PLPPR4: variants seen among roughly 807,000 people sequenced by gnomAD.
The protein encoded by PLPPR4 is phospholipid phosphatase related 4, also known as phospholipid phosphatase-related protein type 4.
In PLPPR4, 24 loss-of-function variants were observed where a neutral mutation model predicts 56.6. The observed-to-expected ratio is 0.42, with a 90% confidence interval of 0.31 to 0.60. PLPPR4 has a LOEUF of 0.60. Ranked by LOEUF, PLPPR4 falls within the 20% of genes least tolerant of loss-of-function variation. The probability of loss-of-function intolerance (pLI) is 0.13; values close to 1 mark genes in which losing one functional copy is unlikely to be tolerated. For missense variants in PLPPR4, 654 were observed against 885.8 expected (o/e 0.74, Z 3.32); for synonymous variants, 326 against 328.1 (o/e 0.99, Z 0.07).
intron 2 of PLPPR4, among the ~76,000 whole-genome samples, chr1:99,288,891 A>G (rs1659542649): frequency 6.6e-6 from 1 of 152,184 alleles, no homozygotes. Context: ...AAAGATGTAC[A>G]TCTATCATGT....
In PLPPR4 at chr1:99,308,486, G is replaced by T. The variant is rs1660104138; in HGVS notation, c.*1476G>T. ...AACTTAAAGTATGAAGACATACTCA[G>T]TTCTTGGAACTTAGTATTAAACCTT... On this transcript the variant is annotated 3_prime_UTR_variant, in exon 7 of 7. Transcript: ENST00000370185. 6.6e-6 allele frequency: 1 copy of T among 152,588 alleles called. No individual in the cohort carries two copies. The highest frequency in any genetic ancestry group is 2.1e-4 in the South Asian group (1 of 4,834). 9.5% of individuals were successfully genotyped at this position (152,588 alleles called of 1,614,324 possible).
Position 99,300,975 on chromosome 1 carries a change from C to T in PLPPR4, c.648+9C>T, listed in dbSNP as rs1443661407. ...CAGCTGTGTATGTTTCGGTAAGTAA[C>T]TGGTTCTTTTTTGTTAAGTTGTGTT... On this transcript the variant is annotated intron_variant, in intron 5 of 6. Coordinates refer to ENST00000370185, the MANE Select transcript of PLPPR4 (RefSeq NM_014839.5). The T allele has an allele frequency of 6.2e-7, 1 of 1,610,764 alleles. No homozygotes were observed. The highest frequency in any genetic ancestry group is 1.1e-5 in the South Asian group (1 of 90,950).
chr1:99,302,316 T>C (rs1202623196), intron 6 of PLPPR4, among the ~76,000 whole-genome samples: 1 of 152,054 alleles, frequency 6.6e-6, no homozygotes, highest in African/African-American at 2.4e-5. Flanking sequence ...AATACTGACT[T>C]CTTTAACACT....
At chr1:99,295,857 AG>A (rs1659727361) in intron 2 of PLPPR4, among the ~76,000 whole-genome samples, 1 of 152,218 alleles carries the variant, frequency 6.6e-6, no homozygotes, top group South Asian at 2.1e-4. Flanking sequence ...GTCTAGTGAG[AG>A]ACAGCCAAAT....
At chr1:99,264,326 T>G (rs1430440647), upstream of PLPPR4, 7 of 785,396 alleles carry the variant, frequency 8.9e-6, no homozygotes, top group African/African-American at 1.1e-4. Context: ...AGGAGGGAGC[T>G]GGACGTCGTC....
In PLPPR4 at chr1:99,272,311, T is replaced by C. The variant is rs533192309; in HGVS notation, c.78+7640T>C. ...AGTTAACCTTTGGACACATCAAGTA[T>C]GCCAGCGTTACCTAAGGACACACTG... On this transcript the variant is annotated intron_variant, in intron 1 of 6. Transcript: ENST00000370185. 4.6e-5 allele frequency among the ~76,000 whole-genome samples: 7 copies of C among 152,228 alleles called. No homozygotes were observed. In the East Asian group the frequency reaches 1.2e-3, roughly 25 times the overall value.
intron 1 of PLPPR4, among the ~76,000 whole-genome samples, chr1:99,286,621 T>C (rs1195869946): frequency 6.6e-6 from 1 of 151,956 alleles, no homozygotes; most frequent in Non-Finnish European, 1.5e-5. Flanking sequence ...TTAAATGATG[T>C]AAAGAAGCAG....
intron 4 of PLPPR4, 80 bp downstream of exon 4, chr1:99,299,310 C>T: frequency 1.1e-6 from 1 of 946,756 alleles, no homozygotes; most frequent in Non-Finnish European, 1.6e-6. Flanking sequence ...TTAAGCATGC[C>T]TCTTTCAGTC....
chr1:99,285,315 T>C (rs532978783), intron 1 of PLPPR4, among the ~76,000 whole-genome samples: 1 of 152,192 alleles, frequency 6.6e-6, no homozygotes, highest in Non-Finnish European at 1.5e-5. Context: ...AACATAATAT[T>C]GGCACGTAGT....
rs776929281 is a variant in PLPPR4 at position 99,306,983 on chromosome 1, C to G, written c.2121C>G (p.Thr707=). 6 of 1,606,188 alleles carry G rather than the reference C, an allele frequency of 3.7e-6. No homozygotes were observed. The highest frequency in any genetic ancestry group is 5.1e-6 in the Non-Finnish European group (6 of 1,178,772). ...CTAGAAATATCTTCTACAAAGGAACCTCCCCCACACGGGCTTATAAGGATT... is the reference window on the plus strand; with the variant it reads ...CTAGAAATATCTTCTACAAAGGAACGTCCCCCACACGGGCTTATAAGGATT... The part of the protein sequence containing the change: ...ENTRNIFYKG[T]SPTRAYKD The change falls in exon 7 of 7, where the codon ACC becomes ACG. Residue 707 remains threonine, a synonymous_variant. Coordinates refer to ENST00000370185, the MANE Select transcript of PLPPR4 (RefSeq NM_014839.5). This position sits in a 1 kb window ranked among gnomAD's most constrained non-coding sequence, Gnocchi z 4.0.
At chr1:99,277,509 A>G (rs909177450) in intron 1 of PLPPR4, among the ~76,000 whole-genome samples, 1 of 152,164 alleles carries the variant, frequency 6.6e-6, no homozygotes, top group Admixed American at 6.5e-5. Flanking sequence ...ATTGATGTGG[A>G]TGGTCTGATG....
At chr1:99,301,578 G>T in intron 5 of PLPPR4, 146 bp from the exon 6 acceptor site, 1 of 484,896 alleles carries the variant, frequency 2.1e-6, no homozygotes, top group South Asian at 4.9e-5. Context: ...ATCCCTTCTT[G>T]GCAGGCACAG....
intron 2 of PLPPR4, among the ~76,000 whole-genome samples, chr1:99,291,863 T>A (rs1027063864): frequency 6.6e-6 from 1 of 152,074 alleles, no homozygotes; most frequent in East Asian, 1.9e-4. Context: ...CCCCATGACA[T>A]GTGTTCACCT....
chr1:99,301,618 A>G, intron 5 of PLPPR4, 106 bp from the exon 6 acceptor site: 1 of 717,454 alleles, frequency 1.4e-6, no homozygotes, highest in Non-Finnish European at 2.2e-6. Context: ...GGGGTGAAAC[A>G]GTAAAACTGA....
chr1:99,301,516 C>T (rs926494420), intron 5 of PLPPR4, among the ~76,000 whole-genome samples: 29 of 151,904 alleles, frequency 1.9e-4, no homozygotes, highest in African/African-American at 7.0e-4. Flanking sequence ...TGGTATTTTT[C>T]CAACTTTCAT....
intron 4 of PLPPR4, among the ~76,000 whole-genome samples, chr1:99,299,771 C>A (rs977794795): frequency 6.6e-6 from 1 of 151,730 alleles, no homozygotes. Flanking sequence ...TTGAATGAAC[C>A]CGGGTGTGCA....
At chr1:99,297,355 C>G (rs1041695803) in intron 3 of PLPPR4, among the ~76,000 whole-genome samples, 3 of 152,038 alleles carry the variant, frequency 2.0e-5, no homozygotes, top group Non-Finnish European at 4.4e-5. Context: ...GGTTGTAGCC[C>G]CTAATGTTAC....
At chr1:99,281,203 T>C (rs1185577162) in intron 1 of PLPPR4, among the ~76,000 whole-genome samples, 1 of 152,196 alleles carries the variant, frequency 6.6e-6, no homozygotes, top group Non-Finnish European at 1.5e-5. Flanking sequence ...AAAGGTTAAG[T>C]GACTTTCCCA....
At chr1:99,302,418 C>T (rs1236428167) in intron 6 of PLPPR4, among the ~76,000 whole-genome samples, 1 of 152,032 alleles carries the variant, frequency 6.6e-6, no homozygotes, top group Non-Finnish European at 1.5e-5. Context: ...TGCATGCATG[C>T]ATTCATGCAT....
Sources: gnomAD v4.1 joint callset for allele counts (sites outside exome capture counted in the v4.1 genomes callset) on GRCh38, gnomAD v4.1.1 for gene constraint, Gnocchi (gnomAD v3.1) non-coding constraint, MANE v1.5 for transcripts, NCBI Gene and HGNC (gene_info 2026-07-23, HGNC 2026-07-21) for gene names.